TENM3: variants seen among roughly 807,000 people sequenced by gnomAD.
TENM3 encodes teneurin-3.
TENM3 carries 63 observed loss-of-function variants against 255.1 expected under a neutral mutation model. That is an observed-to-expected ratio of 0.25 (90% confidence interval 0.20 to 0.30). TENM3 has a LOEUF of 0.30. TENM3 is among the 10% of genes least tolerant of loss of function. The probability of loss-of-function intolerance (pLI) is 1.00; values close to 1 mark genes in which losing one functional copy is unlikely to be tolerated. For synonymous variants in TENM3, 1,306 were observed against 1,322.3 expected (o/e 0.99, Z 0.27); for missense variants, 2,929 against 3,461.1 (o/e 0.85, Z 3.86).
chr4:182,170,410 C>T (rs1752024678), intron 1 of TENM3, among the ~76,000 whole-genome samples: 1 of 152,014 alleles, frequency 6.6e-6, no homozygotes, highest in Non-Finnish European at 1.5e-5. Flanking sequence ...TTTCTTTCTC[C>T]TTAGAAGTTG....
At chr4:181,714,799 A>G in the TENM3 span, among the ~76,000 whole-genome samples, 3 of 152,172 alleles carry the variant, frequency 2.0e-5, no homozygotes, top group African/African-American at 7.2e-5. Context: ...ATGCATATTT[A>G]TTGAGAACCA....
rs376621253 is a variant in TENM3, at chr4:182,728,949, A to C, written c.2369-16A>C. The C allele has an allele frequency of 2.9e-4, 468 of 1,607,916 alleles. 1 individual carries two copies. Among genetic ancestry groups the C allele is most frequent in the Non-Finnish European group, 3.6e-4 (422 of 1,175,092 alleles). Reference sequence around the variant, plus strand: ...AAAAGGAAAATTCTCTTACTGGGGAACATTTCTCTCTACAGATGGACTCAT... The same window carrying C: ...AAAAGGAAAATTCTCTTACTGGGGACCATTTCTCTCTACAGATGGACTCAT... On this transcript the variant is annotated splice_polypyrimidine_tract_variant and intron_variant, in intron 13 of 27. Transcript: ENST00000511685.
At chr4:182,272,908 C>T (rs753536802) in intron 1 of TENM3, among the ~76,000 whole-genome samples, 2 of 152,088 alleles carry the variant, frequency 1.3e-5, no homozygotes, top group Admixed American at 6.5e-5. Flanking sequence ...GCATCAGAGA[C>T]TCGTAGGTAC....
the TENM3 span, among the ~76,000 whole-genome samples, chr4:181,777,085 C>A: frequency 6.6e-6 from 1 of 151,978 alleles, no homozygotes; most frequent in African/African-American, 2.4e-5. Context: ...AGTCTTTAAT[C>A]CATCTTAAGT....
the TENM3 span, among the ~76,000 whole-genome samples, chr4:181,522,060 C>T: frequency 1.6e-5 from 2 of 128,208 alleles, no homozygotes; most frequent in African/African-American, 3.0e-5. Context: ...GAGATCACGT[C>T]ACTGCACTCC....
intron 3 of TENM3, among the ~76,000 whole-genome samples, chr4:182,597,996 A>G (rs1747435180): frequency 6.6e-6 from 1 of 152,076 alleles, no homozygotes; most frequent in South Asian, 2.1e-4. Flanking sequence ...TCTGGGCAAC[A>G]TAGTGAGACC....
chr4:181,648,900 C>T, the TENM3 span, among the ~76,000 whole-genome samples: 2 of 152,142 alleles, frequency 1.3e-5, no homozygotes, highest in East Asian at 3.9e-4. Flanking sequence ...GCTGAGAGGC[C>T]GTAATCAAGG....
chr4:181,608,473 T>A, the TENM3 span, among the ~76,000 whole-genome samples: 3 of 152,150 alleles, frequency 2.0e-5, no homozygotes, highest in South Asian at 2.1e-4. Flanking sequence ...GGTAGTTGAT[T>A]GCTTTGGAGT....
At chr4:181,581,614 T>A in the TENM3 span, among the ~76,000 whole-genome samples, 1 of 152,178 alleles carries the variant, frequency 6.6e-6, no homozygotes, top group Non-Finnish European at 1.5e-5. Flanking sequence ...TTATTAAAAA[T>A]TTAACAAAAC....
At chr4:181,915,755 G>A in the TENM3 span, among the ~76,000 whole-genome samples, 1 of 151,838 alleles carries the variant, frequency 6.6e-6, no homozygotes, top group Non-Finnish European at 1.5e-5. Context: ...GATTGACTGT[G>A]AGGAACAGGA....
chr4:182,107,424 G>T, the TENM3 span, among the ~76,000 whole-genome samples: 3 of 152,202 alleles, frequency 2.0e-5, no homozygotes, highest in African/African-American at 7.2e-5. Context: ...GTTTCTGGGG[G>T]TTTCTAGCCT....
the TENM3 span, among the ~76,000 whole-genome samples, chr4:182,100,438 T>TAAA: frequency 0.046 from 3,020 of 65,676 alleles, 104 homozygotes; most frequent in African/African-American, 0.058. Flanking sequence ...TCCGTCTCCG[T>TAAA]AAAAAAAAAA....
chr4:182,078,560 C>T, the TENM3 span, among the ~76,000 whole-genome samples: 8 of 151,960 alleles, frequency 5.3e-5, no homozygotes, highest in Non-Finnish European at 7.4e-5. Flanking sequence ...ACTGGACATC[C>T]GAGTATCCTA....
intron 3 of TENM3, among the ~76,000 whole-genome samples, chr4:182,590,151 G>T (rs1362945237): frequency 1.3e-5 from 2 of 152,080 alleles, no homozygotes; most frequent in Non-Finnish European, 1.5e-5. Context: ...CCAGGCTAGT[G>T]GGTAAAATTT....
chr4:182,174,502 T>A (rs1579600792), intron 1 of TENM3, among the ~76,000 whole-genome samples: 2 of 137,680 alleles, frequency 1.5e-5, no homozygotes, highest in Admixed American at 7.2e-5. Flanking sequence ...AGCTACTAAT[T>A]CACACACACA....
intron 25 of TENM3, among the ~76,000 whole-genome samples, chr4:182,791,714 T>C (rs1766116360): frequency 2.0e-5 from 3 of 152,224 alleles, no homozygotes; most frequent in Non-Finnish European, 4.4e-5. Flanking sequence ...TTTCACAATA[T>C]TTTTTGGTGT....
At chr4:181,573,465 C>A in the TENM3 span, among the ~76,000 whole-genome samples, 3 of 151,910 alleles carry the variant, frequency 2.0e-5, no homozygotes, top group Non-Finnish European at 2.9e-5. Context: ...TATAAAGCCA[C>A]ATGACTAATG....
the TENM3 span, among the ~76,000 whole-genome samples, chr4:181,853,912 C>T: frequency 4.6e-5 from 7 of 152,138 alleles, no homozygotes; most frequent in African/African-American, 1.4e-4. Context: ...TCTCTGCCTT[C>T]GTGCTATAGA....
At chr4:181,737,552 T>C in the TENM3 span, among the ~76,000 whole-genome samples, 2 of 152,146 alleles carry the variant, frequency 1.3e-5, no homozygotes, top group Admixed American at 1.3e-4. Flanking sequence ...AAAAAAACGC[T>C]GACAGCACAT....
Sources: allele counts gnomAD v4.1 joint callset (sites outside exome capture counted in the v4.1 genomes callset), GRCh38; gene constraint gnomAD v4.1.1; transcripts MANE v1.5; gene names NCBI Gene and HGNC (gene_info 2026-07-23, HGNC 2026-07-21).